Variants in TBC1D12 observed in about 807,000 individuals in gnomAD.
TBC1D12 encodes TBC1 domain family, member 12.
A neutral mutation model predicts 86.7 loss-of-function variants in TBC1D12; 56 were observed. The observed-to-expected ratio is 0.65, with a 90% CI of 0.52 to 0.81. The LOEUF (loss-of-function observed/expected upper bound fraction) is 0.81, where lower values mean the gene tolerates loss of function less well. Among genes scored for constraint, TBC1D12 ranks in the 30% least tolerant of loss-of-function variants. TBC1D12 has a pLI of 0.00. For synonymous variants in TBC1D12, 421 were observed against 411.7 expected (o/e 1.02, Z -0.27); for missense variants, 1,023 against 1,038.8 (o/e 0.98, Z 0.21).
chr10:94,498,789 G>T (rs2056356770), intron 5 of TBC1D12, among the ~76,000 whole-genome samples: 1 of 150,746 alleles, frequency 6.6e-6, no homozygotes. Flanking sequence ...TTTTTTTCAA[G>T]ACGAGGTCTC....
At chr10:94,468,792 AT>A (rs1218597781) in intron 2 of TBC1D12, among the ~76,000 whole-genome samples, 2 of 152,180 alleles carry the variant, frequency 1.3e-5, no homozygotes, top group Non-Finnish European at 2.9e-5. Context: ...ATTACACATA[AT>A]TTAGGCTGCT....
Position 94,476,304 on chromosome 10 carries a change from C to G in TBC1D12, c.1211+1521C>G, listed in dbSNP as rs909578204. Among the ~76,000 whole-genome samples, 9 of 152,110 alleles carry G rather than the reference C, an allele frequency of 5.9e-5. No homozygotes were observed. The South Asian group carries it at 1.9e-3, about 31-fold the overall frequency. On this transcript the variant is annotated intron_variant, in intron 3 of 12. Transcript: ENST00000225235. ...AGCTGGACTTATTAAGTACATTATT[C>G]TTTTATTCTGGTTACATTCCCTCAT...
At chr10:94,489,370 G>A (rs2056215332) in intron 3 of TBC1D12, among the ~76,000 whole-genome samples, 1 of 152,188 alleles carries the variant, frequency 6.6e-6, no homozygotes, top group Admixed American at 6.5e-5. Context: ...TAGCCAAGAA[G>A]CCACTGCCAG....
intron 7 of TBC1D12, chr10:94,509,882 A>G: frequency 2.1e-6 from 1 of 477,632 alleles, no homozygotes; most frequent in Non-Finnish European, 3.6e-6. Context: ...GAAATCCTTT[A>G]CCATATAACT....
intron 3 of TBC1D12, among the ~76,000 whole-genome samples, chr10:94,487,353 GTTAT>G (rs781192302): frequency 2.0e-5 from 3 of 146,732 alleles, no homozygotes; most frequent in East Asian, 2.1e-4. Flanking sequence ...TTGCCATTTT[GTTAT>G]TTGTTTTCTG....
At chr10:94,498,568 C>T (rs1443906293) in intron 5 of TBC1D12, among the ~76,000 whole-genome samples, 1 of 152,100 alleles carries the variant, frequency 6.6e-6, no homozygotes, top group Non-Finnish European at 1.5e-5. Flanking sequence ...ATTCTTATGC[C>T]TTAGTCTCCC....
chr10:94,411,807 A>C (rs1399594915), intron 1 of TBC1D12, among the ~76,000 whole-genome samples: 1 of 152,092 alleles, frequency 6.6e-6, no homozygotes, highest in African/African-American at 2.4e-5. Flanking sequence ...AAAATAAAAA[A>C]ACTAGCTGGG....
At chr10:94,489,845 T>C (rs1308540846) in intron 3 of TBC1D12, among the ~76,000 whole-genome samples, 1 of 152,212 alleles carries the variant, frequency 6.6e-6, no homozygotes, top group East Asian at 1.9e-4. Context: ...ATTTGCCATC[T>C]TATATTAGCA....
At chr10:94,461,362 T>C (rs112000529) in intron 2 of TBC1D12, among the ~76,000 whole-genome samples, 78 of 152,326 alleles carry the variant, frequency 5.1e-4, no homozygotes, top group African/African-American at 1.9e-3. Flanking sequence ...TGGAGTTGTG[T>C]ATTTCCCTTC....
At chr10:94,411,253 C>T (rs924084099) in intron 1 of TBC1D12, among the ~76,000 whole-genome samples, 4 of 151,944 alleles carry the variant, frequency 2.6e-5, no homozygotes, top group Non-Finnish European at 4.4e-5. Flanking sequence ...TTTCTTATTT[C>T]TTTGAGGTGG....
At chr10:94,476,295 T>C (rs1399517643) in intron 3 of TBC1D12, among the ~76,000 whole-genome samples, 1 of 152,224 alleles carries the variant, frequency 6.6e-6, no homozygotes, top group East Asian at 1.9e-4. Context: ...ACTTATTAAG[T>C]ACATTATTCT....
In TBC1D12 at chr10:94,452,647, A is replaced by G. The variant is rs555264596; in HGVS notation, c.1095+10628A>G. Among the ~76,000 whole-genome samples the G allele has an allele frequency of 1.9e-3, 283 of 152,120 alleles. 3 individuals carry two copies. The highest frequency in any genetic ancestry group is 1.5e-3 in the Admixed American group (23 of 15,282). On this transcript the variant is annotated intron_variant, in intron 2 of 12. Transcript: ENST00000225235. ...TCTTTTTAGTGCTGAATAATATTCT[A>G]TTGTCTGGGAACACCACAGTTTATT...
At chr10:94,447,464 C>G (rs1012055177) in intron 2 of TBC1D12, among the ~76,000 whole-genome samples, 1 of 152,060 alleles carries the variant, frequency 6.6e-6, no homozygotes, top group Non-Finnish European at 1.5e-5. Context: ...ACTTTTATTA[C>G]AAGTCTAATC....
chr10:94,439,267 T>A (rs768538448), intron 1 of TBC1D12, among the ~76,000 whole-genome samples: 7 of 152,206 alleles, frequency 4.6e-5, no homozygotes, highest in Non-Finnish European at 8.8e-5. Flanking sequence ...TGTTTTTGTG[T>A]CATATCCAAT....
intron 1 of TBC1D12, among the ~76,000 whole-genome samples, chr10:94,431,748 TG>T (rs1320438945): frequency 6.6e-6 from 1 of 152,184 alleles, no homozygotes. Flanking sequence ...CCTGTGGGGA[TG>T]GGGAGCAGAG....
Position 94,403,334 on chromosome 10 carries a change from G to C in TBC1D12, c.721G>C (p.Gly241Arg). Residue 241 changes from glycine to arginine, a missense_variant, in exon 1 of 13, where the codon GGG becomes CGG. Physicochemically the swap from Gly to Arg is moderately radical, Grantham distance 125. Coordinates refer to ENST00000225235, the MANE Select transcript of TBC1D12 (RefSeq NM_015188.2). ...EDSEQRGVGA[G>R]GPEEGAPPAT... ...CTCAGAGCAGCGGGGAGTCGGCGCC[G>C]GGGGTCCCGAGGAGGGCGCGCCCCC... The C allele has an allele frequency of 1.3e-6, 2 of 1,520,292 alleles. No homozygotes were observed. The highest frequency in any genetic ancestry group is 1.8e-6 in the Non-Finnish European group (2 of 1,134,792). The allele number at this position is 1,520,292 out of a possible 1,614,324, so 94.2% of individuals were successfully genotyped here.
At chr10:94,482,101 C>A (rs2056085777) in intron 3 of TBC1D12, among the ~76,000 whole-genome samples, 1 of 152,100 alleles carries the variant, frequency 6.6e-6, no homozygotes, top group Admixed American at 6.6e-5. Flanking sequence ...TATTTTATCA[C>A]CCAGGAATTA....
chr10:94,431,154 C>T (rs2055209716), intron 1 of TBC1D12, among the ~76,000 whole-genome samples: 1 of 152,082 alleles, frequency 6.6e-6, no homozygotes, highest in South Asian at 2.1e-4. Context: ...GCGGCTCACT[C>T]CTGTAATCCC....
At chr10:94,437,587 A>G (rs999025453) in intron 1 of TBC1D12, among the ~76,000 whole-genome samples, 1 of 152,050 alleles carries the variant, frequency 6.6e-6, no homozygotes, top group Non-Finnish European at 1.5e-5. Flanking sequence ...TGGCCTCCCA[A>G]AGTGAGTTAT....
Sources: gnomAD v4.1 joint callset for allele counts (sites outside exome capture counted in the v4.1 genomes callset) on GRCh38, gnomAD v4.1.1 for gene constraint, MANE v1.5 for transcripts, NCBI Gene and HGNC (gene_info 2026-07-23, HGNC 2026-07-21) for gene names.